The following TLK1 variants were observed in gnomAD, a reference collection of about 807,000 sequenced individuals.
The protein encoded by TLK1 is tousled like kinase 1.
TLK1 carries 24 observed loss-of-function variants against 105.3 expected under a neutral mutation model. The observed-to-expected ratio is 0.23, with a 90% confidence interval of 0.17 to 0.32. TLK1 has a LOEUF of 0.32. Among genes scored for constraint, TLK1 ranks in the 10% least tolerant of loss-of-function variants. TLK1 has a pLI of 1.00. For missense variants in TLK1, 558 were observed against 910.5 expected, an observed-to-expected ratio of 0.61 and a Z score of 4.98; for synonymous variants, 321 against 310.4, an observed-to-expected ratio of 1.03 and a Z score of -0.36.
At chr2:171,054,060 A>G (rs1283295143) in intron 7 of TLK1, 5 of 395,712 alleles carry the variant, frequency 1.3e-5, no homozygotes, top group Non-Finnish European at 4.5e-6. Context: ...AGAAAGGCCA[A>G]TTACTTAGAA....
intron 11 of TLK1, among the ~76,000 whole-genome samples, chr2:171,032,796 T>TG (rs1277407947): frequency 5.3e-5 from 8 of 152,168 alleles, no homozygotes; most frequent in Admixed American, 5.2e-4. Flanking sequence ...CAAATGATGC[T>TG]GGGACAACTA....
intron 1 of TLK1, among the ~76,000 whole-genome samples, chr2:171,144,534 C>A (rs1222350787): frequency 6.6e-6 from 1 of 151,954 alleles, no homozygotes; most frequent in Non-Finnish European, 1.5e-5. Context: ...TCGAGAAATT[C>A]ACAAATATGC....
chr2:171,015,677 T>G (rs1354631397), intron 12 of TLK1, among the ~76,000 whole-genome samples: 1 of 85,556 alleles, frequency 1.2e-5, no homozygotes, highest in Non-Finnish European at 3.1e-5. Context: ...GTCATTCATG[T>G]CATTCATTCA....
intron 1 of TLK1, among the ~76,000 whole-genome samples, chr2:171,130,024 G>GTT (rs1478637313): frequency 6.6e-6 from 1 of 152,146 alleles, no homozygotes; most frequent in Non-Finnish European, 1.5e-5. Flanking sequence ...ACAGCCAGCT[G>GTT]TAAGGTTAAG....
chr2:171,197,591 C>T (rs1249109794), intron 1 of TLK1, among the ~76,000 whole-genome samples: 1 of 152,090 alleles, frequency 6.6e-6, no homozygotes, highest in Admixed American at 6.6e-5. Flanking sequence ...CCAGCCTGGC[C>T]AACATGGTGA....
chr2:171,018,579 G>C (rs1559345381), intron 12 of TLK1, among the ~76,000 whole-genome samples: 1 of 152,200 alleles, frequency 6.6e-6, no homozygotes, highest in Non-Finnish European at 1.5e-5. Context: ...TTTTCCAAGG[G>C]TTCAGGAGAA....
chr2:171,115,716 A>C (rs1242558668), intron 2 of TLK1, among the ~76,000 whole-genome samples: 1 of 152,240 alleles, frequency 6.6e-6, no homozygotes, highest in Admixed American at 6.5e-5. Flanking sequence ...TCACATAATC[A>C]GGTAACATAA....
At chr2:171,211,948 C>T (rs1161841203) in intron 1 of TLK1, among the ~76,000 whole-genome samples, 3 of 151,134 alleles carry the variant, frequency 2.0e-5, no homozygotes, top group Admixed American at 6.6e-5. Context: ...TGGGTTCAAG[C>T]GATTCTCCTG....
chr2:171,177,217 C>T (rs1692846674), intron 1 of TLK1, among the ~76,000 whole-genome samples: 1 of 152,200 alleles, frequency 6.6e-6, no homozygotes, highest in African/African-American at 2.4e-5. Flanking sequence ...TCACAGCTCA[C>T]TGCAGCCTTG....
In TLK1 at chr2:170,993,712, A is replaced by C; in HGVS notation, c.*68T>G. On this transcript the variant is annotated 3_prime_UTR_variant, in exon 21 of 21. Coordinates refer to ENST00000431350, the MANE Select transcript of TLK1 (RefSeq NM_012290.5). ...AAAAGAAAAAGAAAACAAACACTCA[A>C]ATGCTCTCAAACTTAAGTGTGCATC... 7.8e-7 allele frequency: 1 copy of C among 1,278,014 alleles called. No individual in the cohort carries two copies. The highest frequency in any genetic ancestry group is 1.0e-6 in the Non-Finnish European group (1 of 959,608). 79.2% of individuals were successfully genotyped at this position (1,278,014 alleles called of 1,614,324 possible).
intron 1 of TLK1, among the ~76,000 whole-genome samples, chr2:171,222,253 C>A (rs969305153): frequency 6.6e-6 from 1 of 152,250 alleles, no homozygotes; most frequent in East Asian, 1.9e-4. Context: ...TAGAAAGAAA[C>A]CTTTGTGGTG....
chr2:171,097,858 G>A (rs1689514708), intron 2 of TLK1, among the ~76,000 whole-genome samples: 1 of 152,038 alleles, frequency 6.6e-6, no homozygotes, highest in Non-Finnish European at 1.5e-5. Context: ...CTGGGAGGCG[G>A]AGGCTGCAGT....
intron 3 of TLK1, among the ~76,000 whole-genome samples, chr2:171,062,137 T>C (rs1176773022): frequency 6.6e-6 from 1 of 152,232 alleles, no homozygotes; most frequent in East Asian, 1.9e-4. Flanking sequence ...CTTTCCTGCT[T>C]AGTCAAAAAT....
At chr2:171,157,786 G>A (rs1692295815) in intron 1 of TLK1, among the ~76,000 whole-genome samples, 1 of 152,092 alleles carries the variant, frequency 6.6e-6, no homozygotes, top group Non-Finnish European at 1.5e-5. Flanking sequence ...CTGCCTAAAA[G>A]GAGTTCATCA....
At chr2:171,223,779 A>G (rs1191488894) in intron 1 of TLK1, among the ~76,000 whole-genome samples, 1 of 150,064 alleles carries the variant, frequency 6.7e-6, no homozygotes, top group Non-Finnish European at 1.5e-5. Flanking sequence ...CACTCCCAGC[A>G]GTGCACATTT....
chr2:171,046,434 C>T, intron 10 of TLK1, 72 bp from the exon 11 acceptor site: 1 of 1,443,196 alleles, frequency 6.9e-7, no homozygotes, highest in Non-Finnish European at 9.2e-7. Context: ...GGAAAAAATG[C>T]ATAAAAAACA....
At chr2:171,132,448 C>CG (rs1396102925) in intron 1 of TLK1, among the ~76,000 whole-genome samples, 6 of 151,744 alleles carry the variant, frequency 4.0e-5, no homozygotes, top group Non-Finnish European at 7.4e-5. Context: ...AGTTACTTAC[C>CG]CCCCCCAACA....
chr2:171,014,736 G>T (rs921410692), intron 13 of TLK1, 115 bp downstream of exon 13: 4 of 774,946 alleles, frequency 5.2e-6, no homozygotes, highest in Non-Finnish European at 6.3e-6. Context: ...GAAGGACTTT[G>T]GATCTTTTCT....
intron 11 of TLK1, among the ~76,000 whole-genome samples, chr2:171,041,598 G>T (rs1407874720): frequency 6.6e-6 from 1 of 152,180 alleles, no homozygotes; most frequent in Non-Finnish European, 1.5e-5. Flanking sequence ...GCATGCAAGG[G>T]ATCTAGGTTG....
Sources: allele counts gnomAD v4.1 joint callset (sites outside exome capture counted in the v4.1 genomes callset), GRCh38; gene constraint gnomAD v4.1.1; transcripts MANE v1.5; gene names NCBI Gene and HGNC (gene_info 2026-07-23, HGNC 2026-07-21).